Variants in ARHGEF6 observed in about 807,000 individuals in gnomAD.
The protein encoded by ARHGEF6 is rho guanine nucleotide exchange factor 6.
Under a neutral mutation model 70.3 loss-of-function variants are expected in ARHGEF6, and 9 were observed. The ratio of observed to expected loss-of-function variants is 0.13; its 90% CI spans 0.08 to 0.22. ARHGEF6 has a LOEUF of 0.22. Among genes scored for constraint, ARHGEF6 ranks in the 10% least tolerant of loss-of-function variants. ARHGEF6 has a pLI of 1.00. For missense variants in ARHGEF6, 470 were observed against 563.0 expected, an observed-to-expected ratio of 0.83 and a Z score of 1.67; for synonymous variants, 201 against 207.8, an observed-to-expected ratio of 0.97 and a Z score of 0.28.
At position 136,701,707 on chromosome X, in the gene ARHGEF6, T is replaced by C. The variant is rs1026515349; in HGVS notation, c.1046+5201A>G. ...AAACAAAATATTTCATTTTTCTTTTTTTTTTTTTTTTTTTTTTTGAGATGG... is the reference window on the plus strand; with the variant it reads ...AAACAAAATATTTCATTTTTCTTTTCTTTTTTTTTTTTTTTTTTGAGATGG... On this transcript the variant is annotated intron_variant, in intron 9 of 21. Coordinates refer to ENST00000250617, the MANE Select transcript of ARHGEF6 (RefSeq NM_004840.3). Among the ~76,000 whole-genome samples the C allele has an allele frequency of 3.1e-4, 25 of 80,412 alleles. No homozygotes were observed. The East Asian group carries it at 8.3e-3, about 27-fold the overall frequency. 69.8% of individuals were successfully genotyped at this position (80,412 alleles called of 115,157 possible).
intron 6 of ARHGEF6, among the ~76,000 whole-genome samples, chrX:136,727,885 C>T (rs976509713): frequency 9.1e-6 from 1 of 110,210 alleles, no homozygotes; most frequent in African/African-American, 3.3e-5. Flanking sequence ...AGGATCCCAA[C>T]CGCATTTTGA....
rs762306445 is a variant in ARHGEF6 at position 136,729,185 on chromosome X, T to C, written c.732+2917A>G. ...AAATGGAAGAGCATAAGAACAGGTC[T>C]GGCTGGGAGCAGTGTCTCACACCTG... On this transcript the variant is annotated intron_variant, in intron 6 of 21. Coordinates refer to ENST00000250617, the MANE Select transcript of ARHGEF6 (RefSeq NM_004840.3). 3.8e-5 allele frequency among the ~76,000 whole-genome samples: 4 copies of C among 106,217 alleles called. No homozygotes were observed. In the East Asian group the frequency reaches 1.2e-3, roughly 32 times the overall value. The allele number at this position is 106,217 out of a possible 115,157, so 92.2% of individuals were successfully genotyped here. A position where few individuals can be genotyped will look rare whatever the true frequency, so the allele number is the denominator to read the frequency against.
chrX:136,675,684 T>A (rs2076275019), intron 18 of ARHGEF6, among the ~76,000 whole-genome samples: 1 of 108,680 alleles, frequency 9.2e-6, no homozygotes, highest in South Asian at 4.1e-4. Flanking sequence ...CCCGGCTAAT[T>A]TTTTTTGTAT....
intron 6 of ARHGEF6, among the ~76,000 whole-genome samples, chrX:136,714,356 C>A (rs1252964205): frequency 9.0e-6 from 1 of 111,622 alleles, no homozygotes; most frequent in African/African-American, 3.3e-5. Context: ...ATGGAACGAG[C>A]CTGCACATTG....
At chrX:136,692,201 G>T (rs1479886988) in intron 9 of ARHGEF6, among the ~76,000 whole-genome samples, 1 of 111,682 alleles carries the variant, frequency 9.0e-6, no homozygotes, top group Non-Finnish European at 1.9e-5. Context: ...TGCCTTAATG[G>T]AGTCTAGATC....
At chrX:136,668,530 CTTCTTA>C (rs1384460727) in intron 21 of ARHGEF6, among the ~76,000 whole-genome samples, 9 of 99,984 alleles carry the variant, frequency 9.0e-5, no homozygotes, top group African/African-American at 2.9e-4. Context: ...TCTTCTTCTT[CTTCTTA>C]TTATTATTAT....
chrX:136,680,640 A>C, intron 15 of ARHGEF6, 91 bp downstream of exon 15: 1 of 1,034,185 alleles, frequency 9.7e-7, no homozygotes, highest in Non-Finnish European at 1.4e-6. Context: ...CAAAAGACTA[A>C]GGGTGTGCTC....
chrX:136,736,195 A>G lies in ARHGEF6; in HGVS notation c.662-4023T>C, dbSNP rs1407328948. Among the ~76,000 whole-genome samples the G allele has an allele frequency of 2.7e-5, 3 of 112,031 alleles. No homozygotes were observed. In the East Asian group the frequency reaches 8.4e-4, roughly 31 times the overall value. On this transcript the variant is annotated intron_variant, in intron 5 of 21. Coordinates refer to ENST00000250617, the MANE Select transcript of ARHGEF6 (RefSeq NM_004840.3). The stretch of plus-strand genomic sequence containing the variant: ...ATTTAAAAAGGATATAATTACCATT[A>G]TGTTGCCACTGTGCTAGCAGAAATT...
chrX:136,738,944 G>C (rs1219710901), intron 5 of ARHGEF6, among the ~76,000 whole-genome samples: 1 of 111,952 alleles, frequency 8.9e-6, no homozygotes, highest in African/African-American at 3.3e-5. Flanking sequence ...CTGGACCTTA[G>C]CAGTAGCCTC....
intron 12 of ARHGEF6, 118 bp from the exon 13 acceptor site, chrX:136,682,962 T>A (rs1227600004): frequency 1.7e-6 from 1 of 579,731 alleles, no homozygotes; most frequent in Non-Finnish European, 2.8e-6. Flanking sequence ...ACATTAACGG[T>A]AATTTTTTTT....
chrX:136,714,994 T>G (rs1277414903), intron 6 of ARHGEF6, among the ~76,000 whole-genome samples: 1 of 112,108 alleles, frequency 8.9e-6, no homozygotes, highest in Non-Finnish European at 1.9e-5. Flanking sequence ...AATGCCCATA[T>G]CATTGCCATG....
Position 136,669,463 on chromosome X carries a change from T to C in ARHGEF6, c.2190+19A>G, listed in dbSNP as rs369358832. On this transcript the variant is annotated intron_variant, in intron 21 of 21. Coordinates refer to ENST00000250617, the MANE Select transcript of ARHGEF6 (RefSeq NM_004840.3). ...AGAATGGTTCTATTACCCGAGAAAA[T>C]GATTTTATATTTTATTACCTGCTTC... 4.2e-6 allele frequency: 5 copies of C among 1,196,003 alleles called. No individual in the cohort carries two copies. The African/African-American group carries it at 7.0e-5, about 17-fold the overall frequency.
chrX:136,681,178 G>T (rs755864120), intron 14 of ARHGEF6, among the ~76,000 whole-genome samples: 11 of 112,379 alleles, frequency 9.8e-5, no homozygotes, highest in African/African-American at 3.6e-4. Context: ...TAAGCACATA[G>T]TCCATCTAGT....
chrX:136,696,819 C>T (rs1255962463), intron 9 of ARHGEF6, among the ~76,000 whole-genome samples: 2 of 110,026 alleles, frequency 1.8e-5, no homozygotes, highest in Non-Finnish European at 1.9e-5. Context: ...AGCTCCATTC[C>T]GGGCAACTGT....
intron 1 of ARHGEF6, 120 bp from the exon 2 acceptor site, chrX:136,779,617 T>TC: frequency 3.3e-6 from 2 of 603,720 alleles, no homozygotes; most frequent in South Asian, 4.7e-5. Context: ...AACACTGCTG[T>TC]CAATCCAGGA....
At chrX:136,757,188 C>T (rs897944538) in intron 2 of ARHGEF6, among the ~76,000 whole-genome samples, 4 of 112,232 alleles carry the variant, frequency 3.6e-5, no homozygotes, top group Non-Finnish European at 5.6e-5. Context: ...CCAACATGGC[C>T]GTCTCTACTA....
At chrX:136,740,558 C>T (rs1451191665) in intron 5 of ARHGEF6, among the ~76,000 whole-genome samples, 3 of 111,222 alleles carry the variant, frequency 2.7e-5, no homozygotes, top group Admixed American at 9.6e-5. Flanking sequence ...AAGTCAGAGT[C>T]GGAGCTTGCC....
At chrX:136,729,467 CAAAA>C (rs749398050) in intron 6 of ARHGEF6, among the ~76,000 whole-genome samples, 1 of 12,412 alleles carries the variant, frequency 8.1e-5, no homozygotes, top group Admixed American at 1.1e-3. Context: ...GACTCCATCT[CAAAA>C]AAAAAAAAAA....
At chrX:136,719,083 A>C (rs2076769402) in intron 6 of ARHGEF6, among the ~76,000 whole-genome samples, 1 of 108,242 alleles carries the variant, frequency 9.2e-6, no homozygotes, top group Non-Finnish European at 1.9e-5. Context: ...TGTAGTTGAG[A>C]CTTCAATACC....
Sources: gnomAD v4.1 joint callset for allele counts (sites outside exome capture counted in the v4.1 genomes callset) on GRCh38, gnomAD v4.1.1 for gene constraint, MANE v1.5 for transcripts, NCBI Gene and HGNC (gene_info 2026-07-23, HGNC 2026-07-21) for gene names.